SLC13A3: variants seen among roughly 807,000 people sequenced by gnomAD.
The protein encoded by SLC13A3 is Na(+)/dicarboxylate cotransporter 3.
Under a neutral mutation model 59.0 loss-of-function variants are expected in SLC13A3, and 40 were observed. That is an observed-to-expected ratio of 0.68 (90% CI 0.53 to 0.88). The LOEUF is 0.88. SLC13A3 is among the 40% of genes least tolerant of loss of function. The pLI, the probability that SLC13A3 is intolerant of heterozygous loss-of-function variation, is 0.00. For synonymous variants in SLC13A3, 317 were observed against 330.3 expected, an observed-to-expected ratio of 0.96 and a Z score of 0.44; for missense variants, 699 against 783.2, an observed-to-expected ratio of 0.89 and a Z score of 1.28.
intron 9 of SLC13A3, among the ~76,000 whole-genome samples, chr20:46,577,056 TGC>T: frequency 7.0e-6 from 1 of 142,990 alleles, no homozygotes; most frequent in Non-Finnish European, 1.5e-5. Flanking sequence ...CACAGGTGTA[TGC>T]AGTCTACAGA....
chr20:46,672,517 T>C (rs188863916), upstream of SLC13A3, among the ~76,000 whole-genome samples: 3 of 152,204 alleles, frequency 2.0e-5, no homozygotes, highest in East Asian at 3.9e-4. Flanking sequence ...TCTAGTGGGG[T>C]AGGCAGTTCA....
At chr20:46,652,608 C>T (rs1196328585), upstream of SLC13A3, among the ~76,000 whole-genome samples, 1 of 145,764 alleles carries the variant, frequency 6.9e-6, no homozygotes, top group Non-Finnish European at 1.5e-5. Context: ...TTTGGCCAGG[C>T]TGGTCTCGAA....
At chr20:46,655,272 TAC>T (rs2062976887), upstream of SLC13A3, among the ~76,000 whole-genome samples, 2 of 134,694 alleles carry the variant, frequency 1.5e-5, no homozygotes, top group Non-Finnish European at 3.1e-5. Context: ...CACATATGTA[TAC>T]ACATATATAC....
chr20:46,599,270 C>T (rs1371582078), intron 4 of SLC13A3, among the ~76,000 whole-genome samples: 1 of 152,278 alleles, frequency 6.6e-6, no homozygotes, highest in Non-Finnish European at 1.5e-5. Context: ...ATGAAATAGA[C>T]CGGATCAATG....
chr20:46,557,908 G>A lies in SLC13A3; in HGVS notation c.*2114C>T, dbSNP rs1288642207. ...GAACAAAACAGACCCCAGATCAGAG[G>A]AAGAGATGGCTTTCTTGTTAATTCT... On this transcript the variant is annotated 3_prime_UTR_variant, in exon 13 of 13. Coordinates refer to ENST00000279027, the MANE Select transcript of SLC13A3 (RefSeq NM_022829.6). 6.6e-6 allele frequency: 1 copy of A among 152,214 alleles called. No individual in the cohort carries two copies. Among genetic ancestry groups the A allele is most frequent in the African/African-American group, 2.4e-5 (1 of 41,448 alleles). 9.4% of individuals were successfully genotyped at this position (152,214 alleles called of 1,614,324 possible). A position where few individuals can be genotyped will look rare whatever the true frequency, so the allele number is the denominator to read the frequency against.
chr20:46,638,940 T>C (rs545215083), intron 1 of SLC13A3, among the ~76,000 whole-genome samples: 2 of 152,270 alleles, frequency 1.3e-5, no homozygotes, highest in South Asian at 4.2e-4. Flanking sequence ...GCCACATGTC[T>C]CCTGGGAGCA....
chr20:46,622,042 T>C (rs1299139460), intron 1 of SLC13A3, among the ~76,000 whole-genome samples: 2 of 152,184 alleles, frequency 1.3e-5, no homozygotes, highest in South Asian at 2.1e-4. Context: ...ACTGACTCTG[T>C]CTCCTCGACT....
At chr20:46,642,515 C>T (rs1263440561) in intron 1 of SLC13A3, among the ~76,000 whole-genome samples, 5 of 152,172 alleles carry the variant, frequency 3.3e-5, no homozygotes, top group East Asian at 3.9e-4. Context: ...CCTCCTGGGT[C>T]GCTGTGCACT....
At chr20:46,635,806 A>G (rs2062790296) in intron 1 of SLC13A3, among the ~76,000 whole-genome samples, 1 of 152,212 alleles carries the variant, frequency 6.6e-6, no homozygotes. Flanking sequence ...ATGAAACAGG[A>G]TGCAGCAAAG....
At chr20:46,594,461 A>G (rs1433764150) in intron 5 of SLC13A3, among the ~76,000 whole-genome samples, 1 of 152,034 alleles carries the variant, frequency 6.6e-6, no homozygotes, top group East Asian at 1.9e-4. Context: ...CTCCATCCCC[A>G]GAGCCCACAT....
intron 4 of SLC13A3, 122 bp from the exon 5 acceptor site, chr20:46,596,464 G>A (rs141268705): frequency 8.9e-6 from 7 of 783,374 alleles, no homozygotes; most frequent in African/African-American, 1.7e-5. Flanking sequence ...TCAAAAACCC[G>A]TAACAAGGTG....
At chr20:46,628,469 G>A (rs1454265984) in intron 1 of SLC13A3, among the ~76,000 whole-genome samples, 2 of 152,188 alleles carry the variant, frequency 1.3e-5, no homozygotes, top group African/African-American at 4.8e-5. Flanking sequence ...CTGACGGCAA[G>A]GCCTAACGGA....
At chr20:46,648,917 A>T (rs1204639) in intron 1 of SLC13A3, among the ~76,000 whole-genome samples, 12,880 of 124,554 alleles carry the variant, frequency 0.1, 902 homozygotes, top group African/African-American at 0.32. Flanking sequence ...TCTCTCTCTC[A>T]CACACACACA....
At position 46,623,856 on chromosome 20, in the gene SLC13A3, C is replaced by T. The variant is rs180722991; in HGVS notation, c.112-10131G>A. On this transcript the variant is annotated intron_variant, in intron 1 of 12. Coordinates refer to ENST00000279027, the MANE Select transcript of SLC13A3 (RefSeq NM_022829.6). ...CTATTTTACTGATGGGACATGGAGG[C>T]AAACAGGAAAAGTCAAGTAACTTGC... 1.8e-4 allele frequency among the ~76,000 whole-genome samples: 28 copies of T among 152,268 alleles called. No individual in the cohort carries two copies. The East Asian group carries it at 5.4e-3, about 29-fold the overall frequency.
At chr20:46,650,661 G>A (rs769365183) in intron 1 of SLC13A3, among the ~76,000 whole-genome samples, 23 of 152,196 alleles carry the variant, frequency 1.5e-4, no homozygotes, top group Non-Finnish European at 3.1e-4. Flanking sequence ...GAAGTTCAGA[G>A]AGGTTAAGTG....
At chr20:46,637,251 C>T (rs1049450244) in intron 1 of SLC13A3, among the ~76,000 whole-genome samples, 1 of 151,638 alleles carries the variant, frequency 6.6e-6, no homozygotes, top group African/African-American at 2.4e-5. Flanking sequence ...CTGGAAAGGC[C>T]CGGCCTGTTT....
chr20:46,682,190 T>C (rs2063156800), intron 1 of SLC13A3: 1 of 152,230 alleles, frequency 6.6e-6, no homozygotes, highest in African/African-American at 2.4e-5. Context: ...AATGGGATGG[T>C]TTTAAAAATC....
At chr20:46,598,375 C>A (rs1264361752) in intron 4 of SLC13A3, among the ~76,000 whole-genome samples, 1 of 151,974 alleles carries the variant, frequency 6.6e-6, no homozygotes, top group African/African-American at 2.4e-5. Context: ...TCCTGAGTAT[C>A]GAAAAGAGAA....
intron 1 of SLC13A3, among the ~76,000 whole-genome samples, chr20:46,637,746 T>C (rs1188432862): frequency 1.3e-5 from 2 of 152,136 alleles, no homozygotes; most frequent in African/African-American, 4.8e-5. Flanking sequence ...AGGAGGAGAC[T>C]GAGGCACAGA....
Sources: allele counts gnomAD v4.1 joint callset (sites outside exome capture counted in the v4.1 genomes callset), GRCh38; gene constraint gnomAD v4.1.1; transcripts MANE v1.5; gene names NCBI Gene and HGNC (gene_info 2026-07-23, HGNC 2026-07-21).